Variants in CACNB2 observed in about 807,000 individuals in gnomAD.
CACNB2 encodes calcium voltage-gated channel auxiliary subunit beta 2.
In CACNB2, 42 loss-of-function variants were observed where a neutral mutation model predicts 73.3. The observed-to-expected ratio is 0.57, with a 90% confidence interval of 0.45 to 0.74. The LOEUF (loss-of-function observed/expected upper bound fraction) is 0.74. CACNB2 is among the 30% of genes least tolerant of loss of function. CACNB2 has a pLI of 0.00. For missense variants in CACNB2, 940 were observed against 853.0 expected, an observed-to-expected ratio of 1.10 and a Z score of -1.27; for synonymous variants, 348 against 310.3, an observed-to-expected ratio of 1.12 and a Z score of -1.28.
intron 3 of CACNB2, among the ~76,000 whole-genome samples, chr10:18,481,211 TA>T: frequency 1.7e-4 from 2 of 11,600 alleles, no homozygotes; most frequent in Non-Finnish European, 3.5e-4. Flanking sequence ...TATATATATA[TA>T]TATATATATA....
chr10:18,539,203 C>A, intron 13 of CACNB2, 27 bp from the exon 14 acceptor site: 1 of 1,613,796 alleles, frequency 6.2e-7, no homozygotes, highest in Non-Finnish European at 8.5e-7. Context: ...CCTTGGTTAA[C>A]GCCTGGTGTG....
chr10:18,481,215 TATATATATATATATA>T (rs1470420347), intron 3 of CACNB2, among the ~76,000 whole-genome samples: 13 of 13,286 alleles, frequency 9.8e-4, no homozygotes, highest in Middle Eastern at 0.029. Context: ...TATATATATA[TATATATATATATATA>T]TTTTTTTTTT....
Position 18,364,424 on chromosome 10 carries a change from C to T in CACNB2, c.214-37500C>T, listed in dbSNP as rs368361679. 1.1e-4 allele frequency among the ~76,000 whole-genome samples: 17 copies of T among 151,956 alleles called. No homozygotes were observed. In the South Asian group the frequency reaches 1.5e-3, roughly 13 times the overall value. On this transcript the variant is annotated intron_variant, in intron 2 of 13. Coordinates refer to ENST00000324631, the MANE Select transcript of CACNB2 (RefSeq NM_201596.3). ...CTAGCAATTCTCCAGCCTCAGCCTC[C>T]TGAGTAGCTGGGATTACAGGCACGC...
intron 2 of CACNB2, among the ~76,000 whole-genome samples, chr10:18,202,633 G>A (rs930802581): frequency 6.6e-6 from 1 of 152,222 alleles, no homozygotes; most frequent in African/African-American, 2.4e-5. Context: ...CTGGAACAGA[G>A]TAATTTCTCA....
chr10:18,293,704 C>G (rs543623937), intron 2 of CACNB2, among the ~76,000 whole-genome samples: 1 of 152,334 alleles, frequency 6.6e-6, no homozygotes, highest in South Asian at 2.1e-4. Flanking sequence ...GTATCCCACA[C>G]TATTACAAAA....
At chr10:18,388,748 C>T (rs566662016) in intron 2 of CACNB2, among the ~76,000 whole-genome samples, 18 of 152,284 alleles carry the variant, frequency 1.2e-4, no homozygotes, top group African/African-American at 3.9e-4. Flanking sequence ...ATAATCATTT[C>T]TATACATTAT....
chr10:18,260,373 C>T lies in CACNB2; in HGVS notation c.213+109398C>T, dbSNP rs1053100805. 11 of 921,622 alleles carry T rather than the reference C, an allele frequency of 1.2e-5. No homozygotes were observed. The African/African-American group carries it at 1.6e-4, about 13-fold the overall frequency. The allele number at this position is 921,622 out of a possible 1,614,324, so 57.1% of individuals were successfully genotyped here. ...ATGAGATCTAATGAATTAATGAGGT[C>T]TGAGTCGGATCAAATTCGCCTTCCA... On this transcript the variant is annotated intron_variant, in intron 2 of 13. Coordinates refer to ENST00000324631, the MANE Select transcript of CACNB2 (RefSeq NM_201596.3).
intron 3 of CACNB2, among the ~76,000 whole-genome samples, chr10:18,427,667 C>T (rs759017259): frequency 6.6e-6 from 1 of 152,020 alleles, no homozygotes; most frequent in South Asian, 2.1e-4. Flanking sequence ...TAACAGAACC[C>T]TTTAGGGTTT....
intron 2 of CACNB2, among the ~76,000 whole-genome samples, chr10:18,275,377 G>A (rs1440770572): frequency 1.3e-5 from 2 of 152,168 alleles, no homozygotes; most frequent in African/African-American, 2.4e-5. Flanking sequence ...TTCGTAATAA[G>A]GGGATAGATA....
chr10:18,343,876 A>G (rs2041336406), intron 2 of CACNB2, among the ~76,000 whole-genome samples: 1 of 152,144 alleles, frequency 6.6e-6, no homozygotes, highest in Non-Finnish European at 1.5e-5. Flanking sequence ...GCATATGTGA[A>G]CATTTTCTAG....
intron 2 of CACNB2, among the ~76,000 whole-genome samples, chr10:18,211,668 G>A (rs1385112616): frequency 6.6e-6 from 1 of 152,162 alleles, no homozygotes; most frequent in Non-Finnish European, 1.5e-5. Flanking sequence ...ACAGGGTTCA[G>A]ATTTATATAA....
intron 2 of CACNB2, among the ~76,000 whole-genome samples, chr10:18,317,816 T>C (rs1455719721): frequency 6.6e-6 from 1 of 152,218 alleles, no homozygotes; most frequent in Non-Finnish European, 1.5e-5. Flanking sequence ...TGCTCCTCTG[T>C]TCCAGCCATT....
intron 2 of CACNB2, among the ~76,000 whole-genome samples, chr10:18,327,584 C>T (rs1191714036): frequency 6.6e-6 from 1 of 152,074 alleles, no homozygotes; most frequent in East Asian, 1.9e-4. Flanking sequence ...GCTACCGTGC[C>T]CAGCTAATTT....
chr10:18,196,134 T>C (rs1245581652), intron 2 of CACNB2, among the ~76,000 whole-genome samples: 1 of 152,112 alleles, frequency 6.6e-6, no homozygotes, highest in African/African-American at 2.4e-5. Flanking sequence ...ATTATTACTA[T>C]TCTTATTTTA....
chr10:18,199,385 T>C (rs984765688), intron 2 of CACNB2, among the ~76,000 whole-genome samples: 3 of 152,130 alleles, frequency 2.0e-5, no homozygotes, highest in African/African-American at 4.8e-5. Flanking sequence ...TGAGAGGACA[T>C]TGGGCTGATA....
Position 18,141,188 on chromosome 10 carries a change from G to T in CACNB2, c.120+332G>T, listed in dbSNP as rs1336540034. 4.5e-6 allele frequency: 7 copies of T among 1,550,532 alleles called. No homozygotes were observed. The highest frequency in any genetic ancestry group is 1.2e-5 in the South Asian group (1 of 84,024). ...GAGGCACATGGAGAGACATGAATCA[G>T]GGGAGTGGACTGGACCTGCTGAAGA... On this transcript the variant is annotated intron_variant, in intron 1 of 13. Coordinates refer to ENST00000324631, the MANE Select transcript of CACNB2 (RefSeq NM_201596.3).
At chr10:18,386,260 A>T (rs2043225342) in intron 2 of CACNB2, among the ~76,000 whole-genome samples, 1 of 151,692 alleles carries the variant, frequency 6.6e-6, no homozygotes, top group Admixed American at 6.6e-5. Flanking sequence ...CTATTTTTCT[A>T]GTGGGTTGTT....
At chr10:18,266,839 G>A (rs542767196) in intron 2 of CACNB2, among the ~76,000 whole-genome samples, 5 of 152,260 alleles carry the variant, frequency 3.3e-5, no homozygotes, top group African/African-American at 4.8e-5. Context: ...GCAGTGAGCC[G>A]AGATCGTGCC....
At chr10:18,464,950 C>T (rs1045663978) in intron 3 of CACNB2, among the ~76,000 whole-genome samples, 2 of 152,182 alleles carry the variant, frequency 1.3e-5, no homozygotes, top group African/African-American at 4.8e-5. Flanking sequence ...GATGGGAAGG[C>T]CAGGCTTTGA....
Sources: gnomAD v4.1 joint callset for allele counts (sites outside exome capture counted in the v4.1 genomes callset) on GRCh38, gnomAD v4.1.1 for gene constraint, MANE v1.5 for transcripts, NCBI Gene and HGNC (gene_info 2026-07-23, HGNC 2026-07-21) for gene names.